The following CIITA variants were observed in gnomAD, a reference collection of about 807,000 sequenced individuals.
The protein encoded by CIITA is class II major histocompatibility complex transactivator, also known as MHC class II transactivator.
A neutral mutation model predicts 115.1 loss-of-function variants in CIITA; 72 were observed. The observed-to-expected ratio is 0.63, with a 90% CI of 0.52 to 0.76. The LOEUF (loss-of-function observed/expected upper bound fraction) is 0.76. CIITA is among the 30% of genes least tolerant of loss of function. The pLI, the probability that CIITA is intolerant of heterozygous loss-of-function variation, is 0.00. For synonymous variants in CIITA, 763 were observed against 635.6 expected (o/e 1.20, Z -3.02); for missense variants, 1,617 against 1,463.8 (o/e 1.10, Z -1.71).
At chr16:10,922,383 C>T in intron 17 of CIITA, 24 bp from the exon 18 acceptor site, 1 of 1,614,108 alleles carries the variant, frequency 6.2e-7, no homozygotes, top group Non-Finnish European at 8.5e-7. Flanking sequence ...AGGGCCAGGC[C>T]CCAAGGTGAG....
chr16:10,897,592 G>T (rs7404873), intron 3 of CIITA, among the ~76,000 whole-genome samples: 25,600 of 152,138 alleles, frequency 0.17, 3,500 homozygotes, highest in East Asian at 0.45. Context: ...TGAAGCCCAG[G>T]CCTGGGCAAG....
intron 5 of CIITA, among the ~76,000 whole-genome samples, chr16:10,900,274 C>A (rs943541230): frequency 7.2e-4 from 109 of 152,248 alleles, no homozygotes; most frequent in African/African-American, 2.4e-3. Context: ...TTACACTATT[C>A]TGCATTTTGC....
rs568836487 is a variant in CIITA at position 10,930,283 on chromosome 16, C to T, written c.*6428C>T. ...CATCTCGCAGAACTTGTATGTTAAACATGTGACATGTATTGTTGTTTGACA... is the reference window on the plus strand; with the variant it reads ...CATCTCGCAGAACTTGTATGTTAAATATGTGACATGTATTGTTGTTTGACA... On this transcript the variant is annotated 3_prime_UTR_variant, in exon 20 of 20. Coordinates refer to ENST00000324288, the MANE Select transcript of CIITA (RefSeq NM_000246.4). 3.3e-5 allele frequency: 5 copies of T among 152,280 alleles called. No individual in the cohort carries two copies. The highest frequency in any genetic ancestry group is 7.3e-5 in the Non-Finnish European group (5 of 68,076). 9.4% of individuals were successfully genotyped at this position (152,280 alleles called of 1,614,324 possible). A position where few individuals can be genotyped will look rare whatever the true frequency, so the allele number is the denominator to read the frequency against.
chr16:10,897,847 A>G (rs2038292289), intron 3 of CIITA, among the ~76,000 whole-genome samples: 3 of 152,182 alleles, frequency 2.0e-5, no homozygotes. Context: ...CATTATGGCC[A>G]TCATTCCATT....
rs781019022 is a variant in CIITA at position 10,903,849 on chromosome 16, G to A, written c.891G>A (p.Leu297=). 1.9e-6 allele frequency: 3 copies of A among 1,614,186 alleles called. No individual in the cohort carries two copies. Among genetic ancestry groups the A allele is most frequent in the Admixed American group, 3.3e-5 (2 of 60,022 alleles). ...CCTTCGCTCCATCAGCCACTGACCTGCCCAGCATGCCTGAACCTGCCCTGA... is the reference window on the plus strand; with the variant it reads ...CCTTCGCTCCATCAGCCACTGACCTACCCAGCATGCCTGAACCTGCCCTGA... ...TSPFAPSATD[L]PSMPEPALTS... The change falls in exon 9 of 20, where the codon CTG becomes CTA. Residue 297 remains leucine, a synonymous_variant. Coordinates refer to ENST00000324288, the MANE Select transcript of CIITA (RefSeq NM_000246.4).
Position 10,906,647 on chromosome 16 carries a change from G to T in CIITA, c.1155G>T (p.Pro385=), listed in dbSNP as rs930885758. The change falls in exon 11 of 20, where the codon CCG becomes CCT. Residue 385 remains proline, a synonymous_variant. Transcript: ENST00000324288. ...SKSLERELAT[P]DWAERQLAQG... ...GCCTGGAGCGGGAACTGGCCACCCC[G>T]GACTGGGCAGAACGGCAGCTGGCCC... is the stretch of plus-strand genomic sequence containing the variant. The T allele has an allele frequency of 3.7e-6, 6 of 1,613,874 alleles. No homozygotes were observed. Among genetic ancestry groups the T allele is most frequent in the Admixed American group, 1.7e-5 (1 of 60,016 alleles).
At chr16:10,878,978 G>T (rs1365893755) in intron 1 of CIITA, 2 of 222,616 alleles carry the variant, frequency 9.0e-6, no homozygotes, top group African/African-American at 4.5e-5. Context: ...CAGACTTGCC[G>T]CGGCCCCAGA....
At chr16:10,875,592 T>C (rs1046069965), upstream of CIITA, among the ~76,000 whole-genome samples, 1 of 152,194 alleles carries the variant, frequency 6.6e-6, no homozygotes, top group African/African-American at 2.4e-5. Context: ...CCTTCATCAT[T>C]TTTGTGTTTT....
Position 10,916,229 on chromosome 16 carries a change from G to A in CIITA, c.2970-138G>A, listed in dbSNP as rs181866338. The A allele has an allele frequency of 1.2e-5, 9 of 776,856 alleles. 1 individual carries two copies. The Admixed American group carries it at 1.8e-4, about 16-fold the overall frequency. The allele number at this position is 776,856 out of a possible 1,614,324, so 48.1% of individuals were successfully genotyped here. On this transcript the variant is annotated intron_variant, in intron 14 of 19. Coordinates refer to ENST00000324288, the MANE Select transcript of CIITA (RefSeq NM_000246.4). ...GTCCTCGTCTGAAAAGCTCAGGAAT[G>A]TGCCGGCTGCCTATGGTGTATTAGA... is the stretch of plus-strand genomic sequence containing the variant.
At chr16:10,890,245 G>T (rs528306380) in intron 1 of CIITA, among the ~76,000 whole-genome samples, 2 of 151,972 alleles carry the variant, frequency 1.3e-5, no homozygotes, top group South Asian at 2.1e-4. Flanking sequence ...GTGATGGGGA[G>T]CGTGGCCAGA....
At chr16:10,884,289 G>A (rs1349876576) in intron 1 of CIITA, among the ~76,000 whole-genome samples, 6 of 152,206 alleles carry the variant, frequency 3.9e-5, no homozygotes, top group Non-Finnish European at 7.3e-5. Context: ...GCAGGGAGCT[G>A]CAATGGAAAT....
downstream of CIITA, chr16:10,938,311 T>C (rs1216401924): frequency 6.7e-6 from 1 of 149,738 alleles, no homozygotes; most frequent in East Asian, 2.0e-4. The surrounding 1 kb of genome is among the most constrained non-coding windows in gnomAD (Gnocchi z 4.9). Flanking sequence ...TACTGCCTCC[T>C]CAAGTAGGTG....
At position 10,895,445 on chromosome 16, in the gene CIITA, C is replaced by T; in HGVS notation, c.199+17C>T. The T allele has an allele frequency of 6.2e-7, 1 of 1,612,648 alleles. No homozygotes were observed. The highest frequency in any genetic ancestry group is 8.5e-7 in the Non-Finnish European group (1 of 1,179,970). ...TCTACTCAGGTGGGCCCTCCTCCCTCTGGTCTCTTCCGGTATCCCCCACCC... is the reference window on the plus strand; with the variant it reads ...TCTACTCAGGTGGGCCCTCCTCCCTTTGGTCTCTTCCGGTATCCCCCACCC... On this transcript the variant is annotated intron_variant, in intron 2 of 19. Transcript: ENST00000324288.
rs2040361491 is a variant in CIITA, at chr16:10,923,086, C to G, written c.3318-142C>G. The G allele has an allele frequency of 1.3e-6, 1 of 750,856 alleles. No individual in the cohort carries two copies. Among genetic ancestry groups the G allele is most frequent in the African/African-American group, 1.7e-5 (1 of 58,930 alleles). The allele number at this position is 750,856 out of a possible 1,614,324, so 46.5% of individuals were successfully genotyped here. ...TAGGCTTCTCCTTTTCCCCATGACC[C>G]ACACCGGTCGGTATCTTGCCAGGGG... On this transcript the variant is annotated intron_variant, in intron 18 of 19. Coordinates refer to ENST00000324288, the MANE Select transcript of CIITA (RefSeq NM_000246.4). This position sits in a 1 kb window ranked among gnomAD's most constrained non-coding sequence, Gnocchi z 5.2.
intron 1 of CIITA, among the ~76,000 whole-genome samples, chr16:10,870,018 T>C (rs181016217): frequency 1.3e-3 from 197 of 152,098 alleles, no homozygotes; most frequent in African/African-American, 4.5e-3. Context: ...AGTGGGTAGA[T>C]GGATGAATGG....
In CIITA at chr16:10,867,069, C is replaced by G. The variant is rs138504233; in HGVS notation, c.-21+750C>G. 3.6e-3 allele frequency among the ~76,000 whole-genome samples: 545 copies of G among 152,284 alleles called. 3 individuals carry two copies. The highest frequency in any genetic ancestry group is 0.013 in the African/African-American group (533 of 41,538). ...ACCAGCCTGGCCAACATGGCAAAAC[C>G]CTGTCTCTACTAAAAAATACAAAAA... On this transcript the variant is annotated intron_variant, in intron 1 of 5. Coordinates refer to the CIITA transcript ENST00000636238.
Position 10,941,497 on chromosome 16 carries a change from G to T in CIITA, n.623G>T. The stretch of plus-strand genomic sequence containing the variant: ...AAGCCTGAGGGAGGGGTGTGTATCC[G>T]GCCTGGGAATTCCTCCCTCTCCCTT... On this transcript the variant is annotated non_coding_transcript_exon_variant, in exon 2 of 2. Coordinates refer to the CIITA transcript ENST00000573379. This position sits in a 1 kb window ranked among gnomAD's most constrained non-coding sequence, Gnocchi z 6.4. The T allele has an allele frequency of 7.4e-7, 1 of 1,351,692 alleles. No homozygotes were observed. Among genetic ancestry groups the T allele is most frequent in the South Asian group, 1.7e-5 (1 of 57,240 alleles). The allele number at this position is 1,351,692 out of a possible 1,614,324, so 83.7% of individuals were successfully genotyped here. A position where few individuals can be genotyped will look rare whatever the true frequency, so the allele number is the denominator to read the frequency against.
At chr16:10,891,347 G>A (rs72770027) in intron 1 of CIITA, among the ~76,000 whole-genome samples, 7,565 of 152,054 alleles carry the variant, frequency 0.05, 1,058 homozygotes, top group East Asian at 0.3. Context: ...CGTCCTTCCC[G>A]GGGTCTCAGT....
intron 3 of CIITA, among the ~76,000 whole-genome samples, chr16:10,896,746 T>C (rs2038169246): frequency 6.6e-6 from 1 of 152,216 alleles, no homozygotes; most frequent in Non-Finnish European, 1.5e-5. Flanking sequence ...TTCTTAGTGG[T>C]CTTCTTCCTG....
Sources: allele counts gnomAD v4.1 joint callset (sites outside exome capture counted in the v4.1 genomes callset), GRCh38; gene constraint gnomAD v4.1.1; non-coding constraint Gnocchi (gnomAD v3.1); transcripts MANE v1.5; gene names NCBI Gene and HGNC (gene_info 2026-07-23, HGNC 2026-07-21).